Variants in GLIPR1L2 observed in about 807,000 individuals in gnomAD.
GLIPR1L2 encodes the protein GLIPR1-like protein 2.
Under a neutral mutation model 28.4 loss-of-function variants are expected in GLIPR1L2, and 21 were observed. The observed-to-expected ratio is 0.74, with a 90% CI of 0.52 to 1.06. The LOEUF is 1.06. Among genes scored for constraint, GLIPR1L2 ranks in the 50% least tolerant of loss-of-function variants. The pLI is 0.00. For missense variants in GLIPR1L2, 476 were observed against 416.9 expected (o/e 1.14, Z -1.23); for synonymous variants, 145 against 139.3 (o/e 1.04, Z -0.29).
At position 75,391,207 on chromosome 12, in the gene GLIPR1L2, C is replaced by A; in HGVS notation, c.91C>A (p.Leu31Met). ...CGTTTTGAAGCTGCGGCTCTGTGAG[C>A]TGTGGCTACTGCTACTGGGTTCTAG... ...GGVLKLRLCE[L>M]WLLLLGSSLN... Residue 31 changes from leucine to methionine, a missense_variant, in exon 1 of 6, where the codon CTG (leucine) becomes ATG (methionine). Leu to Met is a conservative substitution (Grantham distance 15). Transcript: ENST00000550916. 6.2e-7 allele frequency: 1 copy of A among 1,614,226 alleles called. No homozygotes were observed. The highest frequency in any genetic ancestry group is 8.5e-7 in the Non-Finnish European group (1 of 1,180,020).
intron 1 of GLIPR1L2, among the ~76,000 whole-genome samples, chr12:75,404,567 T>C (rs2045776238): frequency 6.6e-6 from 1 of 152,094 alleles, no homozygotes; most frequent in Admixed American, 6.5e-5. Flanking sequence ...CTACTAGATA[T>C]TTAAGATTAT....
chr12:75,396,231 C>T (rs1293093587), intron 1 of GLIPR1L2, among the ~76,000 whole-genome samples: 3 of 151,990 alleles, frequency 2.0e-5, no homozygotes, highest in Non-Finnish European at 2.9e-5. Flanking sequence ...GTGATGTGAT[C>T]TCAGCTCACT....
In GLIPR1L2 at chr12:75,431,120, G is replaced by C; in HGVS notation, c.994G>C (p.Glu332Gln). The change falls in exon 6 of 6, where the codon GAG becomes CAG. Residue 332 changes from glutamate to glutamine, a missense_variant. Glu to Gln is a conservative substitution (Grantham distance 29, BLOSUM62 2). Coordinates refer to ENST00000550916, the MANE Select transcript of GLIPR1L2 (RefSeq NM_001270396.2). ...EEKEEREEEE[E>Q]ETQKEKMEEE... ...AAAAGAAGAGAGAGAGGAGGAGGAGGAGGAAACACAAAAAGAAAAGATGGA... is the reference window on the plus strand; with the variant it reads ...AAAAGAAGAGAGAGAGGAGGAGGAGCAGGAAACACAAAAAGAAAAGATGGA... 2 of 948,868 alleles carry C rather than the reference G, an allele frequency of 2.1e-6. No homozygotes were observed. Among genetic ancestry groups the C allele is most frequent in the Non-Finnish European group, 3.2e-6 (2 of 622,518 alleles). The allele number at this position is 948,868 out of a possible 1,614,324, so 58.8% of individuals were successfully genotyped here. A position where few individuals can be genotyped will look rare whatever the true frequency, so the allele number is the denominator to read the frequency against.
chr12:75,424,615 T>G (rs1335190530), intron 4 of GLIPR1L2, among the ~76,000 whole-genome samples: 3 of 151,942 alleles, frequency 2.0e-5, no homozygotes. Flanking sequence ...CCAGCTAATT[T>G]TTTTTTTTAT....
chr12:75,427,344 G>C (rs1406705577), intron 4 of GLIPR1L2, among the ~76,000 whole-genome samples: 1 of 151,884 alleles, frequency 6.6e-6, no homozygotes, highest in Non-Finnish European at 1.5e-5. Flanking sequence ...TACCAAATGA[G>C]AAAATACAAA....
intron 1 of GLIPR1L2, among the ~76,000 whole-genome samples, chr12:75,400,109 G>GT (rs1185831603): frequency 2.0e-5 from 3 of 151,914 alleles, no homozygotes; most frequent in Non-Finnish European, 2.9e-5. Flanking sequence ...GAATGAGAAC[G>GT]TTTTTTATTT....
chr12:75,393,363 C>CTGAG (rs1294580928), intron 1 of GLIPR1L2, among the ~76,000 whole-genome samples: 1 of 152,028 alleles, frequency 6.6e-6, no homozygotes, highest in Non-Finnish European at 1.5e-5. Context: ...TCTTCCTGAA[C>CTGAG]TGAGACTCCA....
intron 4 of GLIPR1L2, among the ~76,000 whole-genome samples, chr12:75,424,318 GTGA>G (rs2046011215): frequency 6.6e-6 from 1 of 152,218 alleles, no homozygotes. Context: ...CTAATGACCA[GTGA>G]TGATGAACTT....
Position 75,410,549 on chromosome 12 carries a change from G to A in GLIPR1L2, c.350G>A (p.Gly117Asp). 2 of 1,612,310 alleles carry A rather than the reference G, an allele frequency of 1.2e-6. No homozygotes were observed. The highest frequency in any genetic ancestry group is 3.3e-5 in the Admixed American group (2 of 59,790). ...QMVHPKFYGI[G>D]ENMWVGPENE... ...GTCCATCCTAAATTTTATGGTATTGGTGAAAATATGTGGGTCGGCCCTGAA... is the reference window on the plus strand; with the variant it reads ...GTCCATCCTAAATTTTATGGTATTGATGAAAATATGTGGGTCGGCCCTGAA... Residue 117 changes from glycine (G) to aspartate (D), a missense_variant, in exon 2 of 6, where the codon GGT (glycine) becomes GAT (aspartate). Coordinates refer to ENST00000550916, the MANE Select transcript of GLIPR1L2 (RefSeq NM_001270396.2).
chr12:75,427,724 A>AG (rs2046048430), intron 4 of GLIPR1L2, among the ~76,000 whole-genome samples: 1 of 152,152 alleles, frequency 6.6e-6, no homozygotes, highest in Non-Finnish European at 1.5e-5. Context: ...TAATTAGATC[A>AG]GGGGGGCAGT....
At chr12:75,429,938 C>CCT (rs1566080855) in intron 4 of GLIPR1L2, among the ~76,000 whole-genome samples, 1 of 128,656 alleles carries the variant, frequency 7.8e-6, no homozygotes, top group African/African-American at 3.1e-5. Context: ...TCTTTTCTTT[C>CCT]TTTTTTTTTT....
At chr12:75,410,294 CA>C in intron 1 of GLIPR1L2, 139 bp from the exon 2 acceptor site, 1 of 720,940 alleles carries the variant, frequency 1.4e-6, no homozygotes, top group Non-Finnish European at 2.1e-6. Flanking sequence ...AAGTTTTTCC[CA>C]GCAGAAATTT....
intron 4 of GLIPR1L2, among the ~76,000 whole-genome samples, chr12:75,429,536 GA>G (rs1292941340): frequency 6.6e-6 from 1 of 152,162 alleles, no homozygotes; most frequent in Non-Finnish European, 1.5e-5. Context: ...AATGAGTTTA[GA>G]CTTTGGGGAC....
At chr12:75,394,835 G>C (rs1027299650) in intron 1 of GLIPR1L2, among the ~76,000 whole-genome samples, 1 of 145,890 alleles carries the variant, frequency 6.9e-6, no homozygotes, top group African/African-American at 2.5e-5. Flanking sequence ...ATTTTGGGTA[G>C]AACAGGCATC....
intron 3 of GLIPR1L2, among the ~76,000 whole-genome samples, chr12:75,417,332 T>C (rs993919511): frequency 6.6e-6 from 1 of 152,108 alleles, no homozygotes; most frequent in African/African-American, 2.4e-5. Context: ...CACCAGAAGC[T>C]GGAAAAATCA....
At chr12:75,411,205 TA>T (rs2045863416) in intron 2 of GLIPR1L2, among the ~76,000 whole-genome samples, 2 of 152,014 alleles carry the variant, frequency 1.3e-5, no homozygotes, top group South Asian at 4.1e-4. Flanking sequence ...TCACATTGTT[TA>T]ACAATAATTT....
intron 3 of GLIPR1L2, among the ~76,000 whole-genome samples, chr12:75,420,178 A>C (rs1566075738): frequency 1.3e-5 from 2 of 152,214 alleles, no homozygotes; most frequent in African/African-American, 4.8e-5. Flanking sequence ...TTCTGTGAAT[A>C]ATGTACAGAC....
chr12:75,416,216 GAGA>G (rs1350458325), intron 3 of GLIPR1L2, among the ~76,000 whole-genome samples: 1 of 152,100 alleles, frequency 6.6e-6, no homozygotes, highest in Non-Finnish European at 1.5e-5. Context: ...CATTAACTTA[GAGA>G]AGATCAAAAG....
chr12:75,426,335 T>G (rs1408194537), intron 4 of GLIPR1L2, among the ~76,000 whole-genome samples: 1 of 152,196 alleles, frequency 6.6e-6, no homozygotes, highest in Non-Finnish European at 1.5e-5. Context: ...AATAAAGTAT[T>G]TAACATAGGA....
Sources: allele counts gnomAD v4.1 joint callset (sites outside exome capture counted in the v4.1 genomes callset), GRCh38; gene constraint gnomAD v4.1.1; transcripts MANE v1.5; gene names NCBI Gene and HGNC (gene_info 2026-07-23, HGNC 2026-07-21).